Variants in DLK1 observed in about 807,000 individuals in gnomAD.
The protein encoded by DLK1 is protein delta homolog 1.
DLK1 carries 9 observed loss-of-function variants against 35.2 expected under a neutral mutation model. The observed-to-expected ratio is 0.26, with a 90% CI of 0.15 to 0.45. The LOEUF is 0.45. Ranked by LOEUF, DLK1 falls within the 20% of genes least tolerant of loss-of-function variation. The pLI is 1.00. For synonymous variants in DLK1, 231 were observed against 228.4 expected (o/e 1.01, Z -0.10); for missense variants, 522 against 528.5 (o/e 0.99, Z 0.12).
At chr14:100,732,208 C>T (rs1184999435) in intron 4 of DLK1, 25 bp downstream of exon 4, 1 of 1,602,114 alleles carries the variant, frequency 6.2e-7, no homozygotes, top group Non-Finnish European at 8.5e-7. Context: ...TGTGTGTGAT[C>T]TAATGAATGC....
chr14:100,729,371 G>A (rs904260441), intron 3 of DLK1: 8 of 620,870 alleles, frequency 1.3e-5, no homozygotes, highest in South Asian at 1.1e-4. Context: ...AGCTGGGCCG[G>A]TGGGACCACA....
rs539751794 is a variant in DLK1 at position 100,726,899 on chromosome 14, C to G, written c.-170C>G. ...GGCGCGCGCGGCGGCGGCGGCAGCT[C>G]CCCGGCAGCGGCGGTGGAGAGCGCA... is the stretch of plus-strand genomic sequence containing the variant. On this transcript the variant is annotated 5_prime_UTR_variant, in exon 1 of 5. Transcript: ENST00000341267. This position sits in a 1 kb window ranked among gnomAD's most constrained non-coding sequence, Gnocchi z 4.2. The G allele has an allele frequency of 1.8e-4, 85 of 481,304 alleles. No individual in the cohort carries two copies. Among genetic ancestry groups the G allele is most frequent in the African/African-American group, 1.5e-3 (73 of 48,728 alleles). The allele number at this position is 481,304 out of a possible 1,614,324, so 29.8% of individuals were successfully genotyped here. A position where few individuals can be genotyped will look rare whatever the true frequency, so the allele number is the denominator to read the frequency against.
chr14:100,728,515 G>A, intron 2 of DLK1, 56 bp downstream of exon 2: 1 of 1,592,860 alleles, frequency 6.3e-7, no homozygotes. Context: ...AGCCTGGGGA[G>A]TCGTGAAGTC....
rs912762733 is a variant in DLK1, at chr14:100,737,185, A to C, written c.*2289A>C. On this transcript the variant is annotated 3_prime_UTR_variant, in exon 5 of 5. Transcript: ENST00000341267. ...CCCAAACCCCTGGGTCCTCCACCCC[A>C]ATCTCTGACAACCGCCCCAAGTCCC... is the stretch of plus-strand genomic sequence containing the variant. The C allele has an allele frequency of 5.3e-5, 4 of 75,096 alleles. No homozygotes were observed. In the East Asian group the frequency reaches 1.3e-3, roughly 25 times the overall value. The allele number at this position is 75,096 out of a possible 1,614,324, so 4.7% of individuals were successfully genotyped here. A position where few individuals can be genotyped will look rare whatever the true frequency, so the allele number is the denominator to read the frequency against.
chr14:100,736,902 G>A lies in DLK1; in HGVS notation c.*2006G>A, dbSNP rs1168980467. On this transcript the variant is annotated 3_prime_UTR_variant, in exon 5 of 5. Transcript: ENST00000341267. ...CCCGTCCCCCAATCCTTCCCCTCCT[G>A]TTAGCCCACCCCTCCTTTCCTATCA... The A allele has an allele frequency of 3.2e-5, 2 of 61,668 alleles. No individual in the cohort carries two copies. Among genetic ancestry groups the A allele is most frequent in the African/African-American group, 1.4e-4 (2 of 14,498 alleles). The allele number at this position is 61,668 out of a possible 1,614,324, so 3.8% of individuals were successfully genotyped here.
chr14:100,729,400 C>T (rs907654938), intron 3 of DLK1, among the ~76,000 whole-genome samples: 1 of 152,164 alleles, frequency 6.6e-6, no homozygotes, highest in Non-Finnish European at 1.5e-5. Flanking sequence ...GCTGCCTGTC[C>T]AGGTCATGGA....
rs1595205433 is a variant in DLK1 at position 100,728,868 on chromosome 14, T to C, written c.132-68T>C. The C allele has an allele frequency of 3.2e-6, 5 of 1,577,688 alleles. No individual in the cohort carries two copies. In the South Asian group the frequency reaches 5.8e-5, roughly 18 times the overall value. The stretch of plus-strand genomic sequence containing the variant: ...CAAGGGTCCTTGGTTCCACAGAAAG[T>C]AGCCTGAGCTGCCTCTCTACCCCTG... On this transcript the variant is annotated intron_variant, in intron 2 of 4. Coordinates refer to ENST00000341267, the MANE Select transcript of DLK1 (RefSeq NM_003836.7).
chr14:100,731,827 C>T (rs1005252483), intron 3 of DLK1, among the ~76,000 whole-genome samples: 3 of 152,190 alleles, frequency 2.0e-5, no homozygotes, highest in East Asian at 1.9e-4. Flanking sequence ...TCAGTGGCCA[C>T]GACTTTCTGA....
chr14:100,727,281 G>A (rs1286367113), intron 1 of DLK1, 146 bp downstream of exon 1: 6 of 873,060 alleles, frequency 6.9e-6, no homozygotes, highest in Non-Finnish European at 9.6e-6. Flanking sequence ...TGCCTGTCTC[G>A]CCCTACCCAC....
intron 3 of DLK1, among the ~76,000 whole-genome samples, chr14:100,730,366 C>A (rs922256079): frequency 6.6e-6 from 1 of 152,194 alleles, no homozygotes; most frequent in East Asian, 1.9e-4. Flanking sequence ...ATTTTCCGGA[C>A]AAATGCCTCC....
In DLK1 at chr14:100,734,026, T is replaced by C; in HGVS notation, c.405-123T>C. 7.8e-7 allele frequency: 1 copy of C among 1,276,772 alleles called. No individual in the cohort carries two copies. Among genetic ancestry groups the C allele is most frequent in the Admixed American group, 3.0e-5 (1 of 33,872 alleles). The allele number at this position is 1,276,772 out of a possible 1,614,324, so 79.1% of individuals were successfully genotyped here. ...TCCCTCCCTCGCTCCCTCATTCACC[T>C]GATGTGTTTTAAGCACCTGCCCCTT... On this transcript the variant is annotated intron_variant, in intron 4 of 4. Transcript: ENST00000341267. The surrounding 1 kb of genome is among the most constrained non-coding windows in gnomAD (Gnocchi z 7.4).
In DLK1 at chr14:100,734,881, C is replaced by G; in HGVS notation, c.1137C>G (p.Gly379=). 1 of 1,589,954 alleles carries G rather than the reference C, an allele frequency of 6.3e-7. No individual in the cohort carries two copies. ...IDMTTFSKEA[G]DEEI is the part of the protein sequence containing the mutation. ...TGACCACCTTCAGCAAGGAGGCCGG[C>G]GACGAGGAGATCTAAGCAGCGTTCC... The change falls in exon 5 of 5, where the codon GGC becomes GGG. Residue 379 remains glycine (G), a synonymous_variant. Coordinates refer to ENST00000341267, the MANE Select transcript of DLK1 (RefSeq NM_003836.7). The surrounding 1 kb of genome is among the most constrained non-coding windows in gnomAD (Gnocchi z 7.4).
At chr14:100,727,222 T>A in intron 1 of DLK1, 87 bp downstream of exon 1, 1 of 1,358,662 alleles carries the variant, frequency 7.4e-7, no homozygotes, top group Non-Finnish European at 9.8e-7. Context: ...ACGCCCCGTC[T>A]CGTGAGCCCC....
Position 100,731,549 on chromosome 14 carries a change from C to T in DLK1, c.263-493C>T, listed in dbSNP as rs148655164. On this transcript the variant is annotated intron_variant, in intron 3 of 4. Coordinates refer to ENST00000341267, the MANE Select transcript of DLK1 (RefSeq NM_003836.7). ...GGGGTCGTTACATCTCCATCCCCCC[C>T]ACTGCCCCTCTTTGATGGAAAAGTA... is the stretch of plus-strand genomic sequence containing the variant. 9.6e-3 allele frequency among the ~76,000 whole-genome samples: 1,465 copies of T among 152,252 alleles called. 23 individuals carry two copies. Among genetic ancestry groups the T allele is most frequent in the African/African-American group, 0.032 (1,320 of 41,536 alleles).
In DLK1 at chr14:100,737,326, G is replaced by A. The variant is rs556533761; in HGVS notation, c.*2430G>A. 1 of 151,930 alleles carries A rather than the reference G, an allele frequency of 6.6e-6. No individual in the cohort carries two copies. The highest frequency in any genetic ancestry group is 2.1e-4 in the South Asian group (1 of 4,802). 9.4% of individuals were successfully genotyped at this position (151,930 alleles called of 1,614,324 possible). A position where few individuals can be genotyped will look rare whatever the true frequency, so the allele number is the denominator to read the frequency against. On this transcript the variant is annotated 3_prime_UTR_variant, in exon 5 of 5. Transcript: ENST00000341267. The stretch of plus-strand genomic sequence containing the variant: ...AAGAATTGTTGGCATGTGTCAGGCG[G>A]GCGTCTGGTACCCTGCCTGGCCTCT...
Position 100,728,976 on chromosome 14 carries a change from G to A in DLK1, c.172G>A (p.Val58Met), listed in dbSNP as rs776598670. Residue 58 changes from valine (V) to methionine (M), a missense_variant, in exon 3 of 5, where the codon GTG (valine) becomes ATG (methionine). Transcript: ENST00000341267. ...GCAGGGTCCCCTTTGTGACCAGTGC[G>A]TGACCTCTCCCGGCTGCCTTCACGG... ...GWQGPLCDQCVTSPGCLHGLC... is the reference protein window; with the variant it reads ...GWQGPLCDQCMTSPGCLHGLC... The A allele has an allele frequency of 5.3e-5, 85 of 1,613,948 alleles. No individual in the cohort carries two copies. The highest frequency in any genetic ancestry group is 6.8e-5 in the Non-Finnish European group (80 of 1,180,044).
chr14:100,728,167 A>G (rs2036459342), intron 1 of DLK1, among the ~76,000 whole-genome samples: 1 of 151,930 alleles, frequency 6.6e-6, no homozygotes, highest in Non-Finnish European at 1.5e-5. Flanking sequence ...AACGAGGGAG[A>G]GTGTACTGTG....
rs755858246 is a variant in DLK1, at chr14:100,732,047, C to T, written c.268C>T (p.Arg90Trp). ...TCTTCCCCGTCACCCCGCAGATGTT[C>T]GGGCCTGCTCCTCGGCCCCCTGTGC... Reference protein sequence around the residue: ...WDGELCDRDVRACSSAPCANN... With the variant: ...WDGELCDRDVWACSSAPCANN... The change falls in exon 4 of 5, where the codon CGG becomes TGG. Residue 90 changes from arginine to tryptophan, a missense_variant. Arg to Trp is a moderately radical substitution (Grantham distance 101). Coordinates refer to ENST00000341267, the MANE Select transcript of DLK1 (RefSeq NM_003836.7). The T allele has an allele frequency of 1.1e-5, 18 of 1,612,178 alleles. No homozygotes were observed. Among genetic ancestry groups the T allele is most frequent in the South Asian group, 5.5e-5 (5 of 90,834 alleles).
At chr14:100,733,562 C>A (rs1451254568) in intron 4 of DLK1, among the ~76,000 whole-genome samples, 1 of 152,018 alleles carries the variant, frequency 6.6e-6, no homozygotes, top group African/African-American at 2.4e-5. Context: ...GCCTGTGGAT[C>A]CACACCGCTA....
Sources: allele counts gnomAD v4.1 joint callset (sites outside exome capture counted in the v4.1 genomes callset), GRCh38; gene constraint gnomAD v4.1.1; non-coding constraint Gnocchi (gnomAD v3.1); transcripts MANE v1.5; gene names NCBI Gene and HGNC (gene_info 2026-07-23, HGNC 2026-07-21).